Variants in DAB1 observed in about 807,000 individuals in gnomAD.
DAB1 encodes DAB adaptor protein 1, also known as disabled homolog 1.
DAB1 carries 15 observed loss-of-function variants against 64.6 expected under a neutral mutation model. The observed-to-expected ratio is 0.23, with a 90% CI of 0.16 to 0.36. The LOEUF (loss-of-function observed/expected upper bound fraction) is 0.36, where lower values mean the gene tolerates loss of function less well. DAB1 is among the 10% of genes least tolerant of loss of function. The pLI, the probability that DAB1 is intolerant of heterozygous loss-of-function variation, is 1.00. For synonymous variants in DAB1, 235 were observed against 251.9 expected (o/e 0.93, Z 0.64); for missense variants, 596 against 706.7 (o/e 0.84, Z 1.78).
intron 3 of DAB1, among the ~76,000 whole-genome samples, chr1:58,474,918 C>T (rs1257659845): frequency 6.6e-6 from 1 of 152,124 alleles, no homozygotes; most frequent in African/African-American, 2.4e-5. Context: ...ATAAAACATG[C>T]CTCACGGGGT....
chr1:57,456,121 G>A (rs1043938693), intron 7 of DAB1, among the ~76,000 whole-genome samples: 7 of 152,108 alleles, frequency 4.6e-5, no homozygotes, highest in Middle Eastern at 3.2e-3. Context: ...TTGTCACTAG[G>A]TCTGTTTCCT....
intron 1 of DAB1, among the ~76,000 whole-genome samples, chr1:57,841,066 G>A (rs1308199270): frequency 6.6e-6 from 1 of 152,176 alleles, no homozygotes; most frequent in Non-Finnish European, 1.5e-5. Context: ...ATACAATGGG[G>A]GTACAGGAAT....
At chr1:57,165,819 ATAAG>A (rs1216798118) in intron 2 of DAB1, among the ~76,000 whole-genome samples, 1 of 152,134 alleles carries the variant, frequency 6.6e-6, no homozygotes, top group East Asian at 1.9e-4. Flanking sequence ...CCCTGTGGAG[ATAAG>A]TAAGATAAAA....
chr1:57,439,418 GTTTTTTCTTTT>G (rs1305876487), intron 7 of DAB1, among the ~76,000 whole-genome samples: 3 of 116,140 alleles, frequency 2.6e-5, no homozygotes, highest in African/African-American at 3.5e-5. Flanking sequence ...TGGTGATGAG[GTTTTTTCTTTT>G]TTTTTTTTTT....
At chr1:57,796,287 G>A (rs1306228252) in intron 6 of DAB1, among the ~76,000 whole-genome samples, 2 of 152,014 alleles carry the variant, frequency 1.3e-5, no homozygotes, top group Admixed American at 1.3e-4. Flanking sequence ...AAGCACTTTG[G>A]GAGGCCGAGG....
intron 5 of DAB1, among the ~76,000 whole-genome samples, chr1:58,060,577 T>A (rs1457313105): frequency 6.6e-6 from 1 of 151,846 alleles, no homozygotes; most frequent in African/African-American, 2.4e-5. Flanking sequence ...CCAGGAGATC[T>A]TTTTTTTACC....
chr1:57,146,290 A>T (rs556204220), intron 2 of DAB1, among the ~76,000 whole-genome samples: 2 of 152,338 alleles, frequency 1.3e-5, no homozygotes, highest in South Asian at 4.1e-4. Context: ...CTGAAATAAG[A>T]TGAATACATA....
intron 4 of DAB1, among the ~76,000 whole-genome samples, chr1:57,099,034 T>G (rs1654426700): frequency 6.6e-6 from 1 of 152,182 alleles, no homozygotes; most frequent in Non-Finnish European, 1.5e-5. Context: ...AAAACTGGGT[T>G]GGGAGAGCCA....
chr1:58,489,609 T>A (rs6661832), intron 3 of DAB1, among the ~76,000 whole-genome samples: 1 of 152,040 alleles, frequency 6.6e-6, no homozygotes, highest in African/African-American at 2.4e-5. Flanking sequence ...TCTCCCAGCA[T>A]GCAGCTTGAG....
intron 7 of DAB1, among the ~76,000 whole-genome samples, chr1:57,437,027 C>T (rs985458095): frequency 2.0e-5 from 2 of 101,828 alleles, no homozygotes; most frequent in African/African-American, 3.9e-5. Context: ...CAGAGCAAGA[C>T]TCCGTCTCAA....
chr1:58,050,598 C>T (rs1238150016), intron 5 of DAB1, among the ~76,000 whole-genome samples: 4 of 152,084 alleles, frequency 2.6e-5, no homozygotes, highest in Non-Finnish European at 4.4e-5. Flanking sequence ...GGCGCAATCT[C>T]GGCTCACTGC....
intron 7 of DAB1, among the ~76,000 whole-genome samples, chr1:57,543,402 A>T (rs765047123): frequency 3.3e-5 from 5 of 152,176 alleles, no homozygotes; most frequent in Non-Finnish European, 5.9e-5. Flanking sequence ...AAGCACAATC[A>T]TGTCCATCCG....
At chr1:57,760,970 T>C (rs1649061034) in intron 6 of DAB1, among the ~76,000 whole-genome samples, 1 of 152,152 alleles carries the variant, frequency 6.6e-6, no homozygotes, top group South Asian at 2.1e-4. Context: ...AGGTGCAAAA[T>C]TGGCAAATGA....
At chr1:58,133,382 T>C (rs1490745993) in intron 5 of DAB1, among the ~76,000 whole-genome samples, 1 of 152,218 alleles carries the variant, frequency 6.6e-6, no homozygotes, top group Non-Finnish European at 1.5e-5. Flanking sequence ...TAATGCCTCA[T>C]CTGATCTGTC....
chr1:58,005,875 G>A (rs1646575276), intron 5 of DAB1, among the ~76,000 whole-genome samples: 1 of 152,124 alleles, frequency 6.6e-6, no homozygotes, highest in Non-Finnish European at 1.5e-5. Flanking sequence ...TTTAAGGCAG[G>A]TACAATTATT....
intron 4 of DAB1, among the ~76,000 whole-genome samples, chr1:58,324,632 G>A (rs1305957503): frequency 6.6e-6 from 1 of 152,120 alleles, no homozygotes; most frequent in Admixed American, 6.5e-5. Flanking sequence ...TCAACCCAAA[G>A]TGTTTTCTTT....
At chr1:57,912,400 T>G (rs933632387) in intron 5 of DAB1, among the ~76,000 whole-genome samples, 1 of 152,186 alleles carries the variant, frequency 6.6e-6, no homozygotes, top group East Asian at 1.9e-4. Flanking sequence ...GAGCCCTTCA[T>G]GCTAAAAACT....
intron 1 of DAB1, among the ~76,000 whole-genome samples, chr1:57,413,600 C>T (rs189452524): frequency 2.3e-4 from 35 of 151,654 alleles, no homozygotes; most frequent in African/African-American, 7.0e-4. Context: ...AGAAATTAGC[C>T]GGGCATGGTG....
chr1:57,094,903 A>G (rs1008281828), intron 4 of DAB1, among the ~76,000 whole-genome samples: 1 of 152,046 alleles, frequency 6.6e-6, no homozygotes, highest in Non-Finnish European at 1.5e-5. Flanking sequence ...CTACCTCTGT[A>G]CCATAGAAAA....
Sources: gnomAD v4.1 joint callset for allele counts (sites outside exome capture counted in the v4.1 genomes callset) on GRCh38, gnomAD v4.1.1 for gene constraint, MANE v1.5 for transcripts, NCBI Gene and HGNC (gene_info 2026-07-23, HGNC 2026-07-21) for gene names.